Variants in PPHLN1 observed in about 807,000 individuals in gnomAD.
PPHLN1 encodes periphilin-1.
A neutral mutation model predicts 51.3 loss-of-function variants in PPHLN1; 29 were observed. That is an observed-to-expected ratio of 0.57 (90% CI 0.42 to 0.77). The LOEUF (loss-of-function observed/expected upper bound fraction) is 0.77. Ranked by LOEUF, PPHLN1 falls within the 30% of genes least tolerant of loss-of-function variation. The probability of loss-of-function intolerance (pLI) is 0.00; values close to 1 mark genes in which losing one functional copy is unlikely to be tolerated. For synonymous variants in PPHLN1, 147 were observed against 147.8 expected, an observed-to-expected ratio of 0.99 and a Z score of 0.04; for missense variants, 436 against 438.4, an observed-to-expected ratio of 0.99 and a Z score of 0.05.
chr12:42,418,075 G>T (rs1490527623), intron 9 of PPHLN1, among the ~76,000 whole-genome samples: 2 of 150,840 alleles, frequency 1.3e-5, no homozygotes, highest in Non-Finnish European at 3.0e-5. Context: ...ACGTAGCTGG[G>T]ACTACAGGCC....
At chr12:42,427,507 C>T (rs1176116012) in intron 9 of PPHLN1, among the ~76,000 whole-genome samples, 1 of 151,852 alleles carries the variant, frequency 6.6e-6, no homozygotes, top group Non-Finnish European at 1.5e-5. Context: ...CAAACAAAAA[C>T]ATAAAGTGGG....
At chr12:42,365,343 T>C (rs543139567) in intron 4 of PPHLN1, among the ~76,000 whole-genome samples, 1 of 152,318 alleles carries the variant, frequency 6.6e-6, no homozygotes, top group African/African-American at 2.4e-5. Context: ...TATTTGTGTA[T>C]ATTTGGATGT....
intron 5 of PPHLN1, among the ~76,000 whole-genome samples, chr12:42,375,824 T>C (rs994929510): frequency 8.5e-5 from 13 of 152,188 alleles, no homozygotes; most frequent in Admixed American, 5.9e-4. Flanking sequence ...GAGAAAGCAT[T>C]CTTATCTTTC....
chr12:42,357,164 G>A (rs992267182), intron 4 of PPHLN1, among the ~76,000 whole-genome samples: 2 of 152,164 alleles, frequency 1.3e-5, no homozygotes, highest in South Asian at 2.1e-4. Context: ...CATCCTTAGC[G>A]AGGAAGACTC....
At chr12:42,412,135 G>A (rs1427067619) in intron 9 of PPHLN1, among the ~76,000 whole-genome samples, 2 of 152,052 alleles carry the variant, frequency 1.3e-5, no homozygotes, top group Non-Finnish European at 2.9e-5. Context: ...AACCCAGGAG[G>A]CGGAGGTTGC....
downstream of PPHLN1, chr12:42,444,707 A>T (rs938970716): frequency 7.0e-5 from 17 of 241,792 alleles, no homozygotes; most frequent in African/African-American, 3.4e-4. Flanking sequence ...TCTTGCCCCT[A>T]TCTCTAGACC....
chr12:42,436,056 G>A (rs2082452035), intron 9 of PPHLN1, among the ~76,000 whole-genome samples: 1 of 152,174 alleles, frequency 6.6e-6, no homozygotes, highest in Admixed American at 6.5e-5. Context: ...CAGCTCTCCA[G>A]TCTCCACCAT....
intron 8 of PPHLN1, 30 bp downstream of exon 8, chr12:42,393,719 C>T (rs778249593): frequency 6.5e-7 from 1 of 1,546,184 alleles, no homozygotes; most frequent in Admixed American, 2.2e-5. Context: ...TTATGTTTCA[C>T]ATCTGAAAGT....
chr12:42,417,827 A>G (rs1003757355), intron 9 of PPHLN1, among the ~76,000 whole-genome samples: 2 of 151,928 alleles, frequency 1.3e-5, no homozygotes, highest in African/African-American at 4.8e-5. Context: ...AATTAAAAAG[A>G]CAAGTGATAA....
At chr12:42,366,011 G>A (rs1455100258) in intron 4 of PPHLN1, among the ~76,000 whole-genome samples, 1 of 152,036 alleles carries the variant, frequency 6.6e-6, no homozygotes, top group Non-Finnish European at 1.5e-5. Context: ...ATGGTAAATG[G>A]ACCTTTGTCT....
intron 9 of PPHLN1, 153 bp downstream of exon 9, chr12:42,399,147 A>G: frequency 7.1e-7 from 1 of 1,414,562 alleles, no homozygotes; most frequent in South Asian, 1.7e-5. Flanking sequence ...AGTTGACTTC[A>G]CAGTCAGTTT....
intron 6 of PPHLN1, among the ~76,000 whole-genome samples, chr12:42,385,995 T>TTA (rs2077160702): frequency 6.6e-6 from 1 of 152,204 alleles, no homozygotes; most frequent in Non-Finnish European, 1.5e-5. Flanking sequence ...GCTTTTGAGT[T>TTA]TTAAGGTCTA....
At chr12:42,365,747 T>C (rs2075205615) in intron 4 of PPHLN1, among the ~76,000 whole-genome samples, 1 of 152,242 alleles carries the variant, frequency 6.6e-6, no homozygotes, top group Non-Finnish European at 1.5e-5. Context: ...GTGTTTGCGA[T>C]ATAGCCAAAG....
At position 42,384,934 on chromosome 12, in the gene PPHLN1, C is replaced by G. The variant is rs778827932; in HGVS notation, c.512-6C>G. On this transcript the variant is annotated splice_polypyrimidine_tract_variant and splice_region_variant and intron_variant, in intron 5 of 9. Coordinates refer to ENST00000358314, the MANE Select transcript of PPHLN1 (RefSeq NM_201439.2). Reference sequence around the variant, plus strand: ...TGTTAATTCCTCCCTGCCCACCTTTCCATAGAGTCCGTGCGTCCTGGTGCC... The same window carrying G: ...TGTTAATTCCTCCCTGCCCACCTTTGCATAGAGTCCGTGCGTCCTGGTGCC... The G allele has an allele frequency of 5.0e-6, 8 of 1,605,986 alleles. No individual in the cohort carries two copies. The South Asian group carries it at 8.8e-5, about 18-fold the overall frequency.
chr12:42,354,792 G>GA (rs1196113651), intron 3 of PPHLN1, among the ~76,000 whole-genome samples: 3 of 152,302 alleles, frequency 2.0e-5, no homozygotes, highest in African/African-American at 7.2e-5. Context: ...GCTTGAAACT[G>GA]AAAATTGGTG....
At position 42,354,380 on chromosome 12, in the gene PPHLN1, G is replaced by T. The variant is rs115558376; in HGVS notation, c.238-781G>T. Among the ~76,000 whole-genome samples the T allele has an allele frequency of 2.6e-5, 4 of 151,998 alleles. No individual in the cohort carries two copies. In the East Asian group the frequency reaches 7.7e-4, roughly 29 times the overall value. On this transcript the variant is annotated intron_variant, in intron 3 of 9. Transcript: ENST00000358314. ...ACTATAGGTGCACGCCACCGTGCCC[G>T]GCTAATTTTTGTAGAGATGGGGTTT...
chr12:42,355,139 A>G, intron 3 of PPHLN1, 22 bp from the exon 4 acceptor site: 2 of 1,610,704 alleles, frequency 1.2e-6, no homozygotes, highest in Non-Finnish European at 1.7e-6. Context: ...ACAAATAGCT[A>G]AGTAGCTTTT....
chr12:42,346,268 ATC>A (rs1592258569), intron 2 of PPHLN1, among the ~76,000 whole-genome samples: 1 of 151,350 alleles, frequency 6.6e-6, no homozygotes, highest in East Asian at 1.9e-4. Context: ...TTCATCCTCT[ATC>A]TCTGTGTATT....
intron 6 of PPHLN1, among the ~76,000 whole-genome samples, chr12:42,386,146 C>T (rs1465127588): frequency 6.6e-6 from 1 of 152,222 alleles, no homozygotes; most frequent in African/African-American, 2.4e-5. Context: ...AACCTCTGCA[C>T]AATTGACATG....
Sources: allele counts gnomAD v4.1 joint callset (sites outside exome capture counted in the v4.1 genomes callset), GRCh38; gene constraint gnomAD v4.1.1; transcripts MANE v1.5; gene names NCBI Gene and HGNC (gene_info 2026-07-23, HGNC 2026-07-21).